TEX14: variants seen among roughly 807,000 people sequenced by gnomAD.
TEX14 encodes the protein inactive serine/threonine-protein kinase TEX14.
A neutral mutation model predicts 178.6 loss-of-function variants in TEX14; 168 were observed. That is an observed-to-expected ratio of 0.94 (90% confidence interval 0.83 to 1.07). TEX14 has a LOEUF of 1.07. Among genes scored for constraint, TEX14 ranks in the 50% least tolerant of loss-of-function variants. The pLI, the probability that TEX14 is intolerant of heterozygous loss-of-function variation, is 0.00. For missense variants in TEX14, 1,730 were observed against 1,753.6 expected, an observed-to-expected ratio of 0.99 and a Z score of 0.24; for synonymous variants, 626 against 634.1, an observed-to-expected ratio of 0.99 and a Z score of 0.19.
At chr17:58,674,432 G>A (rs536023044) in intron 1 of TEX14, among the ~76,000 whole-genome samples, 1 of 152,284 alleles carries the variant, frequency 6.6e-6, no homozygotes, top group African/African-American at 2.4e-5. Context: ...CACTACAGGA[G>A]GCCAAGGTGG....
intron 17 of TEX14, among the ~76,000 whole-genome samples, chr17:58,586,825 G>A (rs1012421156): frequency 6.6e-6 from 1 of 152,058 alleles, no homozygotes; most frequent in Non-Finnish European, 1.5e-5. Context: ...GTTTTTTCCA[G>A]GTAGTCCGGT....
chr17:58,645,479 C>T (rs1035408996), intron 2 of TEX14, among the ~76,000 whole-genome samples: 2 of 152,146 alleles, frequency 1.3e-5, no homozygotes, highest in East Asian at 1.9e-4. Flanking sequence ...CTGCCTTGGC[C>T]TCCCGAGTAG....
chr17:58,589,574 A>G (rs1414667557), intron 15 of TEX14, among the ~76,000 whole-genome samples: 1 of 147,194 alleles, frequency 6.8e-6, no homozygotes, highest in Non-Finnish European at 1.5e-5. Context: ...AAAAAAAAAA[A>G]AAAGTGTGTG....
chr17:58,660,635 C>T, intron 1 of TEX14: 1 of 789,690 alleles, frequency 1.3e-6, no homozygotes, highest in East Asian at 2.4e-5. Flanking sequence ...CCAGTCATCC[C>T]ACTCTCGAGC....
intron 1 of TEX14, among the ~76,000 whole-genome samples, 167 bp from the exon 2 acceptor site, chr17:58,652,169 C>T (rs948890811): frequency 1.3e-5 from 2 of 152,060 alleles, no homozygotes; most frequent in African/African-American, 2.4e-5. Flanking sequence ...TCAGTGTTAT[C>T]GCTGAAATTA....
At chr17:58,624,144 C>T (rs1242085188) in intron 3 of TEX14, among the ~76,000 whole-genome samples, 1 of 151,584 alleles carries the variant, frequency 6.6e-6, no homozygotes, top group Non-Finnish European at 1.5e-5. Flanking sequence ...ATTAGCCGGG[C>T]GTAGGTGGTG....
At chr17:58,631,734 A>T (rs187656512) in intron 2 of TEX14, 4 of 144,686 alleles carry the variant, frequency 2.8e-5, no homozygotes, top group African/African-American at 5.0e-5. Flanking sequence ...CCCACTCGTG[A>T]GAGAACACAA....
chr17:58,647,712 T>C (rs2046745895), intron 2 of TEX14, among the ~76,000 whole-genome samples: 1 of 152,124 alleles, frequency 6.6e-6, no homozygotes, highest in Non-Finnish European at 1.5e-5. Context: ...TTTTGTTTTT[T>C]GAGACAGAGT....
At chr17:58,674,045 G>A (rs1251774469) in intron 1 of TEX14, among the ~76,000 whole-genome samples, 1 of 152,140 alleles carries the variant, frequency 6.6e-6, no homozygotes, top group African/African-American at 2.4e-5. Flanking sequence ...AGGCCAAGGC[G>A]GGCAGATTGC....
chr17:58,561,783 G>T (rs147548309), intron 28 of TEX14, among the ~76,000 whole-genome samples, 171 bp from the exon 29 acceptor site: 65 of 152,286 alleles, frequency 4.3e-4, no homozygotes, highest in African/African-American at 1.5e-3. Context: ...AGGTCACTTA[G>T]ATCTGACTGA....
chr17:58,558,699 A>C (rs2044206066), intron 30 of TEX14, among the ~76,000 whole-genome samples: 2 of 152,142 alleles, frequency 1.3e-5, no homozygotes, highest in South Asian at 4.1e-4. Context: ...GTCATTGTAA[A>C]GGGCATATCA....
intron 12 of TEX14, 66 bp downstream of exon 12, chr17:58,602,334 T>C (rs571411333): frequency 1.1e-5 from 16 of 1,451,460 alleles, no homozygotes; most frequent in Non-Finnish European, 1.5e-5. Context: ...CTTCATCTTG[T>C]CTCTAACTCC....
chr17:58,690,565 G>A (rs2143625211), intron 1 of TEX14, among the ~76,000 whole-genome samples: 1 of 152,248 alleles, frequency 6.6e-6, no homozygotes, highest in Admixed American at 6.5e-5. Context: ...TGTTGAATGT[G>A]GTAATACCAT....
chr17:58,571,731 A>G (rs1185029272), intron 24 of TEX14, among the ~76,000 whole-genome samples, 190 bp downstream of exon 24: 1 of 152,230 alleles, frequency 6.6e-6, no homozygotes, highest in African/African-American at 2.4e-5. Context: ...TAACCAGGGA[A>G]GGCTTTAAGG....
At chr17:58,635,798 C>T (rs1024906067) in intron 2 of TEX14, among the ~76,000 whole-genome samples, 1 of 151,786 alleles carries the variant, frequency 6.6e-6, no homozygotes, top group Non-Finnish European at 1.5e-5. Context: ...GTGGTGCGAT[C>T]TTGGCTCACC....
At chr17:58,561,958 G>A (rs978971748) in intron 28 of TEX14, among the ~76,000 whole-genome samples, 3 of 152,074 alleles carry the variant, frequency 2.0e-5, no homozygotes, top group Admixed American at 6.5e-5. Context: ...GGTCGCGTGC[G>A]CCTGTAATCC....
chr17:58,647,476 G>C (rs1243685121), intron 2 of TEX14, among the ~76,000 whole-genome samples: 1 of 151,348 alleles, frequency 6.6e-6, no homozygotes, highest in East Asian at 2.0e-4. Context: ...AGCTTGCAGT[G>C]AGCTGAGATC....
intron 9 of TEX14, among the ~76,000 whole-genome samples, chr17:58,613,133 T>C (rs1020612926): frequency 5.3e-5 from 8 of 150,230 alleles, no homozygotes; most frequent in Non-Finnish European, 7.4e-5. Flanking sequence ...ATCCAGGAGG[T>C]AGAGGTTGCA....
chr17:58,613,622 A>G (rs2045800550), intron 8 of TEX14, 78 bp from the exon 9 acceptor site: 1 of 1,409,336 alleles, frequency 7.1e-7, no homozygotes, highest in South Asian at 1.2e-5. Context: ...CCTTTTGAAC[A>G]CATTCTAAAC....
Sources: allele counts gnomAD v4.1 joint callset (sites outside exome capture counted in the v4.1 genomes callset), GRCh38; gene constraint gnomAD v4.1.1; transcripts MANE v1.5; gene names NCBI Gene and HGNC (gene_info 2026-07-23, HGNC 2026-07-21).